ZNF354C: variants seen among roughly 807,000 people sequenced by gnomAD.
The protein encoded by ZNF354C is KRAB-zinc finger protein synten.
ZNF354C carries 7 observed loss-of-function variants against 12.4 expected under a neutral mutation model. That is an observed-to-expected ratio of 0.56 (90% CI 0.32 to 1.06). The LOEUF is 1.06. ZNF354C is among the 50% of genes least tolerant of loss of function. The pLI, the probability that ZNF354C is intolerant of heterozygous loss-of-function variation, is 0.04. For missense variants in ZNF354C, 609 were observed against 658.0 expected, an observed-to-expected ratio of 0.93 and a Z score of 0.81; for synonymous variants, 202 against 224.5, an observed-to-expected ratio of 0.90 and a Z score of 0.90.
At chr5:179,064,809 T>C (rs545813179) in intron 2 of ZNF354C, among the ~76,000 whole-genome samples, 133 of 152,236 alleles carry the variant, frequency 8.7e-4, no homozygotes, top group African/African-American at 3.1e-3. Flanking sequence ...TGATATCCAA[T>C]ATCACATTCT....
In ZNF354C at chr5:179,071,919, G is replaced by A. The variant is rs118189280; in HGVS notation, c.28-4526G>A. On this transcript the variant is annotated intron_variant, in intron 2 of 4. Transcript: ENST00000315475. ...GCCCACTAGAGAGGTGGCAGAGTTC[G>A]GAATTTGACTCCAACTAAATTAACT... is the stretch of plus-strand genomic sequence containing the variant. Among the ~76,000 whole-genome samples the A allele has an allele frequency of 8.9e-4, 136 of 152,168 alleles. No homozygotes were observed. In the East Asian group the frequency reaches 0.019, roughly 22 times the overall value.
chr5:179,063,506 G>A (rs1324879246), intron 2 of ZNF354C, among the ~76,000 whole-genome samples: 2 of 152,222 alleles, frequency 1.3e-5, no homozygotes, highest in East Asian at 1.9e-4. Context: ...CTGCAAGTGA[G>A]CTATGATTGT....
At chr5:179,063,042 C>T (rs1336978970) in intron 2 of ZNF354C, among the ~76,000 whole-genome samples, 1 of 152,106 alleles carries the variant, frequency 6.6e-6, no homozygotes, top group African/African-American at 2.4e-5. Context: ...TAGTCCCCTC[C>T]CTTCTGTGCA....
At position 179,079,179 on chromosome 5, in the gene ZNF354C, T is replaced by G. The variant is rs150824408; in HGVS notation, c.747T>G (p.Cys249Trp). 2 of 1,613,824 alleles carry G rather than the reference T, an allele frequency of 1.2e-6. No homozygotes were observed. Among genetic ancestry groups the G allele is most frequent in the Non-Finnish European group, 1.7e-6 (2 of 1,179,978 alleles). The stretch of plus-strand genomic sequence containing the variant: ...AGAAACCCTACAAATGTAATGAGTG[T>G]GAAAAAACCTTCAGCCACAGATCAT... Reference protein sequence around the residue: ...TGEKPYKCNECEKTFSHRSSL... With the variant: ...TGEKPYKCNEWEKTFSHRSSL... The change falls in exon 5 of 5, where the codon TGT becomes TGG. Residue 249 changes from cysteine to tryptophan, a missense_variant. By Grantham distance (215) the Cys-to-Trp change is radical. Coordinates refer to ENST00000315475, the MANE Select transcript of ZNF354C (RefSeq NM_014594.3). The surrounding 1 kb of genome is among the most constrained non-coding windows in gnomAD (Gnocchi z 4.2).
At chr5:179,072,811 TGA>T (rs1192109143) in intron 2 of ZNF354C, among the ~76,000 whole-genome samples, 1 of 152,184 alleles carries the variant, frequency 6.6e-6, no homozygotes, top group Non-Finnish European at 1.5e-5. Context: ...ATAAAATTAT[TGA>T]GATAACTTGC....
intron 2 of ZNF354C, 116 bp from the exon 3 acceptor site, chr5:179,076,329 T>C (rs1386252013): frequency 2.7e-6 from 4 of 1,480,494 alleles, no homozygotes; most frequent in African/African-American, 1.4e-5. Flanking sequence ...ACGTAAACAG[T>C]TGACGTGAAT....
At position 179,060,781 on chromosome 5, in the gene ZNF354C, G is replaced by A. The variant is rs1761877621; in HGVS notation, c.-55+115G>A. The A allele has an allele frequency of 6.6e-6, 1 of 152,290 alleles. No homozygotes were observed. 9.4% of individuals were successfully genotyped at this position (152,290 alleles called of 1,614,324 possible). On this transcript the variant is annotated intron_variant, in intron 1 of 4. Coordinates refer to ENST00000315475, the MANE Select transcript of ZNF354C (RefSeq NM_014594.3). This position sits in a 1 kb window ranked among gnomAD's most constrained non-coding sequence, Gnocchi z 4.2. ...AGTAACGGAAATAATAAAAGCAATA[G>A]CTGATGCCCGCCGAGAGCGCTCGGG...
intron 2 of ZNF354C, among the ~76,000 whole-genome samples, chr5:179,065,072 CTTTA>C (rs1761943231): frequency 6.6e-6 from 1 of 152,008 alleles, no homozygotes; most frequent in Admixed American, 6.6e-5. Flanking sequence ...AAAGAATAAT[CTTTA>C]TTTTTTTTAC....
chr5:179,081,654 C>T lies in ZNF354C; in HGVS notation c.*1557C>T, dbSNP rs979424117. ...AAAGAAAATGAGGCTTTTAAACAGACCTCACTATTTAACATTGTACCCAGT... is the reference window on the plus strand; with the variant it reads ...AAAGAAAATGAGGCTTTTAAACAGATCTCACTATTTAACATTGTACCCAGT... On this transcript the variant is annotated 3_prime_UTR_variant, in exon 5 of 5. Coordinates refer to ENST00000315475, the MANE Select transcript of ZNF354C (RefSeq NM_014594.3). The T allele has an allele frequency of 6.6e-6, 1 of 152,078 alleles. No individual in the cohort carries two copies. Among genetic ancestry groups the T allele is most frequent in the Non-Finnish European group, 1.5e-5 (1 of 68,020 alleles). 9.4% of individuals were successfully genotyped at this position (152,078 alleles called of 1,614,324 possible). A position where few individuals can be genotyped will look rare whatever the true frequency, so the allele number is the denominator to read the frequency against.
chr5:179,077,962 C>T (rs1319069230), intron 4 of ZNF354C, among the ~76,000 whole-genome samples: 2 of 151,994 alleles, frequency 1.3e-5, no homozygotes, highest in African/African-American at 2.4e-5. Flanking sequence ...CATGCCACCA[C>T]GCCTAGCTAA....
At chr5:179,078,321 T>C (rs1762158711) in intron 4 of ZNF354C, among the ~76,000 whole-genome samples, 1 of 152,220 alleles carries the variant, frequency 6.6e-6, no homozygotes, top group Non-Finnish European at 1.5e-5. Context: ...ATATGCATAG[T>C]GGAAAATGAT....
intron 2 of ZNF354C, among the ~76,000 whole-genome samples, chr5:179,068,260 G>T (rs1310202193): frequency 6.6e-6 from 1 of 152,034 alleles, no homozygotes; most frequent in African/African-American, 2.4e-5. Context: ...AAGGATACAT[G>T]TGTAAAGCAC....
chr5:179,079,119 GCATCTTATTGAA>G lies in ZNF354C; in HGVS notation c.692_703del (p.Leu231_His234del), dbSNP rs761896486. On this transcript the variant is annotated inframe_deletion, in exon 5 of 5. Coordinates refer to ENST00000315475, the MANE Select transcript of ZNF354C (RefSeq NM_014594.3). This position sits in a 1 kb window ranked among gnomAD's most constrained non-coding sequence, Gnocchi z 4.2. ...GTGGGAAGAGCTTCAAGCAGAATCTGCATCTTATTGAACATCAGAGAATTCATACAGGTGAGA... is the reference window on the plus strand; with the variant it reads ...GTGGGAAGAGCTTCAAGCAGAATCTGCATCAGAGAATTCATACAGGTGAGA... 21 of 1,613,746 alleles carry G rather than the reference GCATCTTATTGAA, an allele frequency of 1.3e-5. No individual in the cohort carries two copies. Among genetic ancestry groups the G allele is most frequent in the Middle Eastern group, 1.6e-4 (1 of 6,080 alleles).
At chr5:179,077,804 C>T (rs1049345475) in intron 4 of ZNF354C, among the ~76,000 whole-genome samples, 1 of 147,790 alleles carries the variant, frequency 6.8e-6, no homozygotes, top group Admixed American at 7.1e-5. Flanking sequence ...AATGTCCCCC[C>T]ACTCCTTTTT....
chr5:179,080,150 A>G lies in ZNF354C; in HGVS notation c.*53A>G. On this transcript the variant is annotated 3_prime_UTR_variant, in exon 5 of 5. Transcript: ENST00000315475. ...TCACTGGGGAATAAGGGAATAATAA[A>G]TAGGGTACAAACTCCTAATAGATTT... 7.5e-7 allele frequency: 1 copy of G among 1,324,816 alleles called. No homozygotes were observed. 82.1% of individuals were successfully genotyped at this position (1,324,816 alleles called of 1,614,324 possible). A position where few individuals can be genotyped will look rare whatever the true frequency, so the allele number is the denominator to read the frequency against.
rs1762249855 is a variant in ZNF354C at position 179,083,003 on chromosome 5, G to C, written c.*2906G>C. The C allele has an allele frequency of 1.3e-6, 1 of 767,736 alleles. No homozygotes were observed. The highest frequency in any genetic ancestry group is 2.3e-6 in the Non-Finnish European group (1 of 443,106). The allele number at this position is 767,736 out of a possible 1,614,324, so 47.6% of individuals were successfully genotyped here. On this transcript the variant is annotated 3_prime_UTR_variant, in exon 5 of 5. Transcript: ENST00000315475. ...GCTTCTTGCTATCCCCTACTTCATA[G>C]TTAATGAAGCCAAACTGATCTTGCA...
chr5:179,083,050 A>ATATCCAC lies in ZNF354C; in HGVS notation c.*2953_*2954insTATCCAC. On this transcript the variant is annotated 3_prime_UTR_variant, in exon 5 of 5. Coordinates refer to ENST00000315475, the MANE Select transcript of ZNF354C (RefSeq NM_014594.3). Reference sequence around the variant, plus strand: ...TGCACACATTCCACTGGCCCTACGCAGGGGTGTGATGTTGTAAGCCATAGT... The same window carrying ATATCCAC: ...TGCACACATTCCACTGGCCCTACGCATATCCACGGGGTGTGATGTTGTAAGCCATAGT... 1 of 769,566 alleles carries ATATCCAC rather than the reference A, an allele frequency of 1.3e-6. No homozygotes were observed. The highest frequency in any genetic ancestry group is 2.2e-6 in the Non-Finnish European group (1 of 457,328). The allele number at this position is 769,566 out of a possible 1,614,324, so 47.7% of individuals were successfully genotyped here. A position where few individuals can be genotyped will look rare whatever the true frequency, so the allele number is the denominator to read the frequency against.
rs1239478466 is a variant in ZNF354C at position 179,081,010 on chromosome 5, CAG to C, written c.*916_*917del. The C allele has an allele frequency of 1.3e-5, 2 of 152,266 alleles. No homozygotes were observed. The highest frequency in any genetic ancestry group is 6.5e-5 in the Admixed American group (1 of 15,300). The allele number at this position is 152,266 out of a possible 1,614,324, so 9.4% of individuals were successfully genotyped here. On this transcript the variant is annotated 3_prime_UTR_variant, in exon 5 of 5. Transcript: ENST00000315475. ...TAACGAAGGATTTGAACTTAGTGAA[CAG>C]AGTCAAGACTAGAATCTAGGTCTTT...
At chr5:179,063,754 C>T (rs1761923382) in intron 2 of ZNF354C, among the ~76,000 whole-genome samples, 1 of 152,230 alleles carries the variant, frequency 6.6e-6, no homozygotes, top group Non-Finnish European at 1.5e-5. Flanking sequence ...GGTCACACAG[C>T]TGGCTTTTGA....
Sources: allele counts gnomAD v4.1 joint callset (sites outside exome capture counted in the v4.1 genomes callset), GRCh38; gene constraint gnomAD v4.1.1; non-coding constraint Gnocchi (gnomAD v3.1); transcripts MANE v1.5; gene names NCBI Gene and HGNC (gene_info 2026-07-23, HGNC 2026-07-21).